Variants in EGFLAM observed in about 807,000 individuals in gnomAD.
EGFLAM encodes the protein pikachurin.
Under a neutral mutation model 113.1 loss-of-function variants are expected in EGFLAM, and 79 were observed. The observed-to-expected ratio is 0.70, with a 90% CI of 0.58 to 0.84. The LOEUF (loss-of-function observed/expected upper bound fraction) is 0.84, where lower values mean the gene tolerates loss of function less well. Among genes scored for constraint, EGFLAM ranks in the 40% least tolerant of loss-of-function variants. EGFLAM has a pLI of 0.00. For missense variants in EGFLAM, 1,265 were observed against 1,291.6 expected (o/e 0.98, Z 0.32); for synonymous variants, 504 against 487.6 (o/e 1.03, Z -0.44).
chr5:38,389,637 T>C (rs531021246), intron 6 of EGFLAM, among the ~76,000 whole-genome samples: 5 of 152,210 alleles, frequency 3.3e-5, no homozygotes, highest in Non-Finnish European at 5.9e-5. Context: ...CTCAAGGTTT[T>C]GTTATGGCTG....
chr5:38,450,531 AATGTTAAATT>A (rs1742879181), intron 18 of EGFLAM, among the ~76,000 whole-genome samples: 1 of 152,224 alleles, frequency 6.6e-6, no homozygotes, highest in South Asian at 2.1e-4. Context: ...TGCTAGTAGC[AATGTTAAATT>A]ATGTTTCCTC....
At chr5:38,339,930 G>A (rs1561284700) in intron 3 of EGFLAM, among the ~76,000 whole-genome samples, 3 of 152,202 alleles carry the variant, frequency 2.0e-5, no homozygotes, top group Non-Finnish European at 2.9e-5. Flanking sequence ...TCAAGAAAGG[G>A]TGATGTGTTG....
intron 1 of EGFLAM, among the ~76,000 whole-genome samples, chr5:38,277,845 C>G (rs962486531): frequency 6.6e-6 from 1 of 151,536 alleles, no homozygotes; most frequent in African/African-American, 2.4e-5. Flanking sequence ...GGTGACAGAT[C>G]TCTACACTGA....
In EGFLAM at chr5:38,258,935, C is replaced by A; in HGVS notation, c.97+84C>A. On this transcript the variant is annotated intron_variant, in intron 1 of 21. Transcript: ENST00000322350. ...GCGAGGACACAGAGCGGGCAGCGCACCGCCTCCCTCTCCCCGACCAACGTC... is the reference window on the plus strand; with the variant it reads ...GCGAGGACACAGAGCGGGCAGCGCAACGCCTCCCTCTCCCCGACCAACGTC... The A allele has an allele frequency of 3.6e-6, 5 of 1,398,210 alleles. No individual in the cohort carries two copies. In the South Asian group the frequency reaches 6.9e-5, roughly 19 times the overall value. 86.6% of individuals were successfully genotyped at this position (1,398,210 alleles called of 1,614,324 possible). A position where few individuals can be genotyped will look rare whatever the true frequency, so the allele number is the denominator to read the frequency against.
intron 14 of EGFLAM, among the ~76,000 whole-genome samples, chr5:38,429,255 A>C (rs749815779): frequency 6.6e-5 from 10 of 152,256 alleles, no homozygotes; most frequent in Non-Finnish European, 1.0e-4. Flanking sequence ...GCAGTACAAA[A>C]ACATGAAATG....
chr5:38,330,541 T>G (rs917153150), intron 1 of EGFLAM, among the ~76,000 whole-genome samples: 7 of 152,222 alleles, frequency 4.6e-5, no homozygotes, highest in African/African-American at 1.7e-4. Flanking sequence ...ATTTCTTCAG[T>G]CTTTCTACCA....
intron 6 of EGFLAM, among the ~76,000 whole-genome samples, chr5:38,404,823 G>A (rs371976570): frequency 6.6e-6 from 1 of 152,160 alleles, no homozygotes; most frequent in East Asian, 1.9e-4. Context: ...AATCCACTGT[G>A]AGGACATGCA....
chr5:38,464,004 C>T lies in EGFLAM; in HGVS notation c.*18C>T, dbSNP rs777440420. On this transcript the variant is annotated 3_prime_UTR_variant, in exon 22 of 22. Transcript: ENST00000322350. Reference sequence around the variant, plus strand: ...CCAAGTAACACCAGCTGGCCTTGTCCAAGGGACAGAGCCTTCTATTCTGAG... The same window carrying T: ...CCAAGTAACACCAGCTGGCCTTGTCTAAGGGACAGAGCCTTCTATTCTGAG... 2 of 1,614,118 alleles carry T rather than the reference C, an allele frequency of 1.2e-6. No individual in the cohort carries two copies. The highest frequency in any genetic ancestry group is 1.7e-6 in the Non-Finnish European group (2 of 1,180,010).
intron 1 of EGFLAM, among the ~76,000 whole-genome samples, chr5:38,336,048 C>G (rs949510719): frequency 2.0e-5 from 3 of 152,116 alleles, no homozygotes; most frequent in Non-Finnish European, 2.9e-5. Flanking sequence ...TGGAGCATTA[C>G]TTAAGATAGC....
intron 1 of EGFLAM, among the ~76,000 whole-genome samples, chr5:38,291,572 T>C (rs1271893831): frequency 6.6e-6 from 1 of 152,238 alleles, no homozygotes; most frequent in Non-Finnish European, 1.5e-5. Flanking sequence ...TGGAAATGTG[T>C]ACCTGTCATT....
chr5:38,276,157 AAG>A (rs1757878866), intron 1 of EGFLAM, among the ~76,000 whole-genome samples: 2 of 152,284 alleles, frequency 1.3e-5, no homozygotes, highest in Non-Finnish European at 2.9e-5. Context: ...GGCAGTCAAA[AAG>A]AGCTTGTGCA....
At chr5:38,375,317 A>G (rs1330726102) in intron 6 of EGFLAM, among the ~76,000 whole-genome samples, 3 of 151,950 alleles carry the variant, frequency 2.0e-5, no homozygotes, top group Non-Finnish European at 4.4e-5. Flanking sequence ...ACTACTCTCC[A>G]CTTGTGAGGT....
chr5:38,273,759 T>C (rs182931916), intron 1 of EGFLAM, among the ~76,000 whole-genome samples: 49 of 152,316 alleles, frequency 3.2e-4, no homozygotes, highest in Non-Finnish European at 4.4e-5. Context: ...CTGTGAACAC[T>C]GGAATAAGTA....
chr5:38,461,895 G>A (rs1743286998), intron 20 of EGFLAM, among the ~76,000 whole-genome samples: 1 of 152,140 alleles, frequency 6.6e-6, no homozygotes, highest in Non-Finnish European at 1.5e-5. Flanking sequence ...GCCGGGTGCA[G>A]TGGCTCACGC....
chr5:38,418,319 C>T lies in EGFLAM; in HGVS notation c.1684+64C>T. 3 of 1,566,712 alleles carry T rather than the reference C, an allele frequency of 1.9e-6. No individual in the cohort carries two copies. The South Asian group carries it at 3.5e-5, about 19-fold the overall frequency. On this transcript the variant is annotated intron_variant, in intron 12 of 21. Transcript: ENST00000322350. ...ACTTATGTCTTATGGGACTGCCTTT[C>T]TGGCTTGGGCCATGGAGGGAGCAGC...
intron 1 of EGFLAM, among the ~76,000 whole-genome samples, chr5:38,335,209 G>C (rs1383227051): frequency 6.6e-6 from 1 of 152,202 alleles, no homozygotes. Flanking sequence ...AAATGAAAAT[G>C]TATGTACTCG....
At chr5:38,359,653 C>T (rs1272863228) in intron 5 of EGFLAM, among the ~76,000 whole-genome samples, 1 of 152,118 alleles carries the variant, frequency 6.6e-6, no homozygotes, top group African/African-American at 2.4e-5. Context: ...CCAGTCTGGG[C>T]GACAGAGTGA....
intron 5 of EGFLAM, among the ~76,000 whole-genome samples, chr5:38,359,262 T>C (rs1447361753): frequency 1.3e-5 from 2 of 152,216 alleles, no homozygotes; most frequent in Non-Finnish European, 2.9e-5. Context: ...ATAGTTTTCA[T>C]TTAACTTACC....
intron 6 of EGFLAM, among the ~76,000 whole-genome samples, chr5:38,381,470 A>G (rs963554399): frequency 1.3e-5 from 2 of 152,236 alleles, no homozygotes; most frequent in African/African-American, 4.8e-5. Context: ...AAGCAACTGC[A>G]GGAGAAAAGA....
Sources: gnomAD v4.1 joint callset for allele counts (sites outside exome capture counted in the v4.1 genomes callset) on GRCh38, gnomAD v4.1.1 for gene constraint, MANE v1.5 for transcripts, NCBI Gene and HGNC (gene_info 2026-07-23, HGNC 2026-07-21) for gene names.